Variants in RPN1 observed in about 807,000 individuals in gnomAD.
RPN1 encodes dolichyl-diphosphooligosaccharide--protein glycosyltransferase subunit 1.
RPN1 carries 12 observed loss-of-function variants against 55.5 expected under a neutral mutation model. That is an observed-to-expected ratio of 0.22 (90% CI 0.14 to 0.35). RPN1 has a LOEUF of 0.35. Ranked by LOEUF, RPN1 falls within the 10% of genes least tolerant of loss-of-function variation. RPN1 has a pLI of 1.00. For synonymous variants in RPN1, 317 were observed against 305.9 expected (o/e 1.04, Z -0.38); for missense variants, 679 against 761.3 (o/e 0.89, Z 1.27).
Position 128,637,668 on chromosome 3 carries a change from C to A in RPN1, c.633+131G>T. ...GAGTCATTTCACTGCAGGTTAAACACTTTTGGGATGACCTTAGAAATGACT... is the reference window on the plus strand; with the variant it reads ...GAGTCATTTCACTGCAGGTTAAACAATTTTGGGATGACCTTAGAAATGACT... On this transcript the variant is annotated intron_variant, in intron 3 of 9. Transcript: ENST00000296255. 3 of 925,088 alleles carry A rather than the reference C, an allele frequency of 3.2e-6. No homozygotes were observed. In the South Asian group the frequency reaches 4.8e-5, roughly 15 times the overall value. The allele number at this position is 925,088 out of a possible 1,614,324, so 57.3% of individuals were successfully genotyped here. A position where few individuals can be genotyped will look rare whatever the true frequency, so the allele number is the denominator to read the frequency against.
At chr3:128,634,562 C>CA (rs1409058744) in intron 3 of RPN1, among the ~76,000 whole-genome samples, 1 of 142,760 alleles carries the variant, frequency 7.0e-6, no homozygotes, top group African/African-American at 2.6e-5. Context: ...TCTCCATAAA[C>CA]CTTTTTTTTT....
At chr3:128,648,230 A>C (rs189407284) in intron 1 of RPN1, among the ~76,000 whole-genome samples, 97 of 151,998 alleles carry the variant, frequency 6.4e-4, no homozygotes, top group African/African-American at 2.2e-3. Flanking sequence ...CTGTCTCTAC[A>C]AAAAAAATAC....
chr3:128,639,048 G>A (rs182044481), intron 2 of RPN1, among the ~76,000 whole-genome samples: 69 of 152,254 alleles, frequency 4.5e-4, no homozygotes, highest in Non-Finnish European at 6.5e-4. Context: ...AATATTGGCA[G>A]TCATTAGAAA....
chr3:128,647,007 A>T (rs1576800596), intron 1 of RPN1, among the ~76,000 whole-genome samples: 1 of 151,652 alleles, frequency 6.6e-6, no homozygotes, highest in Admixed American at 6.6e-5. Flanking sequence ...GTGGCAAAAT[A>T]CCCTTGGGGA....
intron 2 of RPN1, among the ~76,000 whole-genome samples, chr3:128,641,405 C>T (rs893773556): frequency 6.6e-6 from 1 of 152,100 alleles, no homozygotes; most frequent in African/African-American, 2.4e-5. Flanking sequence ...CCACCCTACA[C>T]AGCTTCACCT....
chr3:128,633,250 C>T (rs575816024), intron 3 of RPN1, among the ~76,000 whole-genome samples: 3 of 148,754 alleles, frequency 2.0e-5, no homozygotes, highest in South Asian at 2.1e-4. Context: ...AAATTATAAA[C>T]GGTCTCACTC....
At chr3:128,644,487 T>G in intron 2 of RPN1, 1 of 293,252 alleles carries the variant, frequency 3.4e-6, no homozygotes, top group Non-Finnish European at 6.7e-6. Context: ...CTACTAAAAA[T>G]ACATACATAT....
chr3:128,629,023 A>T (rs556321325), intron 5 of RPN1, among the ~76,000 whole-genome samples: 12 of 152,332 alleles, frequency 7.9e-5, no homozygotes, highest in African/African-American at 2.9e-4. Flanking sequence ...ACTAAGGTAT[A>T]GTATGTAGAG....
At chr3:128,642,536 A>G (rs1172320293) in intron 2 of RPN1, 2 of 152,012 alleles carry the variant, frequency 1.3e-5, no homozygotes, top group Non-Finnish European at 2.9e-5. Flanking sequence ...TCTACTAAAA[A>G]TACAAAAAAA....
At chr3:128,644,489 C>T (rs2811497) in intron 2 of RPN1, 181,484 of 298,994 alleles carry the variant, frequency 0.61, 55,512 homozygotes, top group East Asian at 0.76. Flanking sequence ...ACTAAAAATA[C>T]ATACATATAC....
chr3:128,623,005 ACAGCAGTCTTG>A (rs2069571998), intron 8 of RPN1, among the ~76,000 whole-genome samples: 1 of 152,198 alleles, frequency 6.6e-6, no homozygotes, highest in Non-Finnish European at 1.5e-5. Context: ...CATATATATT[ACAGCAGTCTTG>A]CCCATTTAAT....
In RPN1 at chr3:128,646,020, G is replaced by A. The variant is rs547200773; in HGVS notation, c.262-1037C>T. ...AGCACTTTGGGAGGCCAAGGTGGGC[G>A]GATCACGAGGTCAGGAGTTCAAGAC... On this transcript the variant is annotated intron_variant, in intron 1 of 9. Coordinates refer to ENST00000296255, the MANE Select transcript of RPN1 (RefSeq NM_002950.4). Among the ~76,000 whole-genome samples the A allele has an allele frequency of 2.4e-4, 37 of 151,764 alleles. No homozygotes were observed. The East Asian group carries it at 4.9e-3, about 20-fold the overall frequency.
intron 3 of RPN1, among the ~76,000 whole-genome samples, chr3:128,635,787 TAA>T (rs1276839889): frequency 1.3e-5 from 2 of 150,206 alleles, no homozygotes; most frequent in Admixed American, 6.7e-5. Context: ...TATAAATATA[TAA>T]GTGCACTTAT....
chr3:128,627,518 C>A (rs2069608175), intron 5 of RPN1, among the ~76,000 whole-genome samples: 1 of 152,172 alleles, frequency 6.6e-6, no homozygotes, highest in Non-Finnish European at 1.5e-5. Flanking sequence ...TGCCTGTAAT[C>A]CCAGTACTTT....
At chr3:128,644,255 T>C (rs186231267) in intron 2 of RPN1, among the ~76,000 whole-genome samples, 7 of 152,256 alleles carry the variant, frequency 4.6e-5, no homozygotes, top group Admixed American at 1.3e-4. Flanking sequence ...TAAAACAAAC[T>C]GCCACTGCTT....
chr3:128,624,209 G>C lies in RPN1; in HGVS notation c.1395+1325C>G, dbSNP rs558527821. Among the ~76,000 whole-genome samples the C allele has an allele frequency of 5.7e-4, 87 of 152,272 alleles. 1 individual carries two copies. The highest frequency in any genetic ancestry group is 2.0e-3 in the African/African-American group (85 of 41,546). ...CATTTGATTATAAAAATCTGACCAG[G>C]CACGGTGTCTCATGCCTGTAATCCC... On this transcript the variant is annotated intron_variant, in intron 8 of 9. Coordinates refer to ENST00000296255, the MANE Select transcript of RPN1 (RefSeq NM_002950.4).
At chr3:128,649,247 A>G (rs2069794575) in intron 1 of RPN1, among the ~76,000 whole-genome samples, 2 of 152,216 alleles carry the variant, frequency 1.3e-5, no homozygotes, top group Non-Finnish European at 2.9e-5. Context: ...AAATAAAAAC[A>G]AGATAAAATA....
At chr3:128,631,603 GTA>G (rs2069642605) in intron 4 of RPN1, among the ~76,000 whole-genome samples, 1 of 151,996 alleles carries the variant, frequency 6.6e-6, no homozygotes, top group Admixed American at 6.6e-5. Context: ...TTAGCCAGGT[GTA>G]GTGGTGCATG....
intron 5 of RPN1, 84 bp from the exon 6 acceptor site, chr3:128,626,916 A>C: frequency 1.6e-6 from 2 of 1,270,836 alleles, no homozygotes; most frequent in Non-Finnish European, 2.3e-6. Context: ...GCTCACATAA[A>C]GACAGAGCAA....
Sources: allele counts gnomAD v4.1 joint callset (sites outside exome capture counted in the v4.1 genomes callset), GRCh38; gene constraint gnomAD v4.1.1; transcripts MANE v1.5; gene names NCBI Gene and HGNC (gene_info 2026-07-23, HGNC 2026-07-21).